Variants in DPY30 observed in about 807,000 individuals in gnomAD.
DPY30 encodes the protein protein dpy-30 homolog.
In DPY30, 6 loss-of-function variants were observed where a neutral mutation model predicts 16.2. The ratio of observed to expected loss-of-function variants is 0.37; its 90% confidence interval spans 0.20 to 0.73. The LOEUF (loss-of-function observed/expected upper bound fraction) is 0.73. Among genes scored for constraint, DPY30 ranks in the 30% least tolerant of loss-of-function variants. DPY30 has a pLI of 0.51. For synonymous variants in DPY30, 39 were observed against 38.8 expected (o/e 1.00, Z -0.02); for missense variants, 73 against 113.1 (o/e 0.65, Z 1.61).
At chr2:32,031,820 G>A (rs1445020135) in intron 3 of DPY30, among the ~76,000 whole-genome samples, 1 of 151,680 alleles carries the variant, frequency 6.6e-6, no homozygotes, top group Non-Finnish European at 1.5e-5. Flanking sequence ...TTGATTCCAG[G>A]AGGCAGAGGT....
rs1482205326 is a variant in DPY30 at position 32,039,431 on chromosome 2, C to T, written c.26G>A (p.Gly9Glu). ...ACGGCCTCCTGATACCTGCGTTTGT[C>T]CCTCCAGCATCTGCTCTGGCTCCAT... is the stretch of plus-strand genomic sequence containing the variant. MEPEQMLE[G>E]QTQVAENPHS... Residue 9 changes from glycine to glutamate, a missense_variant, in exon 2 of 5, where the codon GGA (glycine) becomes GAA (glutamate). Physicochemically the swap from Gly to Glu is moderately conservative, Grantham distance 98. This residue lies in a region of DPY30 where 52 missense variants were observed against 71.5 expected (regional missense o/e 0.73). Transcript: ENST00000342166. 1.9e-6 allele frequency: 3 copies of T among 1,614,176 alleles called. No individual in the cohort carries two copies. Among genetic ancestry groups the T allele is most frequent in the Non-Finnish European group, 1.7e-6 (2 of 1,180,044 alleles).
Position 32,039,299 on chromosome 2 carries a change from C to T in DPY30, c.64G>A (p.Gly22Ser). ...QVAENPHSEYGLTDNVERIVE... is the reference protein window; with the variant it reads ...QVAENPHSEYSLTDNVERIVE... ...GTTACCTCAACGTTGTCTGTGAGAC[C>T]GTACTCAGAGTGAGGATTTTCTGCA... Residue 22 changes from glycine (G) to serine (S), a missense_variant, in exon 3 of 5, where the codon GGT (glycine) becomes AGT (serine). Gly to Ser is a moderately conservative substitution (Grantham distance 56). Around this residue, in one of 3 missense-constraint regions of DPY30, gnomAD observed 52 missense variants for 71.5 expected, o/e 0.73. Coordinates refer to ENST00000342166, the MANE Select transcript of DPY30 (RefSeq NM_001321209.2). The T allele has an allele frequency of 1.2e-6, 2 of 1,614,116 alleles. No homozygotes were observed. The highest frequency in any genetic ancestry group is 1.1e-5 in the South Asian group (1 of 91,084).
downstream of DPY30, among the ~76,000 whole-genome samples, chr2:32,020,206 A>C (rs147499803): frequency 4.3e-4 from 63 of 146,750 alleles, no homozygotes; most frequent in Non-Finnish European, 6.9e-4. Flanking sequence ...ACTCCGTCTC[A>C]AAAACAAATA....
intron 4 of DPY30, among the ~76,000 whole-genome samples, chr2:32,026,512 C>A (rs981831716): frequency 6.6e-6 from 1 of 152,096 alleles, no homozygotes; most frequent in South Asian, 2.1e-4. Context: ...ATTTGGAGGC[C>A]GAGTGTAATG....
chr2:32,034,225 T>C (rs1425213829), intron 3 of DPY30, among the ~76,000 whole-genome samples: 1 of 152,192 alleles, frequency 6.6e-6, no homozygotes, highest in Non-Finnish European at 1.5e-5. Flanking sequence ...CATCTTGTGT[T>C]AGTCCATTTG....
intron 3 of DPY30, among the ~76,000 whole-genome samples, chr2:32,038,831 A>G (rs560859968): frequency 1.3e-5 from 2 of 152,050 alleles, no homozygotes; most frequent in African/African-American, 4.8e-5. Flanking sequence ...TATTTTTAGT[A>G]GAGACGGGGT....
downstream of DPY30, chr2:32,023,645 A>AG: frequency 9.8e-7 from 1 of 1,017,550 alleles, no homozygotes. Flanking sequence ...TGCTTTTATT[A>AG]GTACTCCAAC....
At chr2:32,036,888 A>G (rs1480732976) in intron 3 of DPY30, among the ~76,000 whole-genome samples, 1 of 152,004 alleles carries the variant, frequency 6.6e-6, no homozygotes, top group Non-Finnish European at 1.5e-5. Context: ...AAAAAAAACT[A>G]CACCAAGACA....
intron 4 of DPY30, among the ~76,000 whole-genome samples, chr2:32,029,067 T>C (rs189396885): frequency 8.1e-4 from 122 of 149,992 alleles, no homozygotes; most frequent in African/African-American, 2.9e-3. Flanking sequence ...AGGTTAGGAG[T>C]TCAAGACCAG....
At chr2:32,018,224 T>C (rs1675099907) in intron 5 of DPY30, among the ~76,000 whole-genome samples, 1 of 152,138 alleles carries the variant, frequency 6.6e-6, no homozygotes, top group African/African-American at 2.4e-5. Context: ...TAAAGACTGA[T>C]AAAACAAATC....
chr2:32,037,805 G>C (rs1037260747), intron 3 of DPY30, among the ~76,000 whole-genome samples: 1 of 151,656 alleles, frequency 6.6e-6, no homozygotes, highest in African/African-American at 2.4e-5. Context: ...TGCCCACCTC[G>C]GCCTCCCAAA....
intron 5 of DPY30, among the ~76,000 whole-genome samples, chr2:32,017,135 G>A (rs1197962844): frequency 5.9e-5 from 9 of 151,894 alleles, no homozygotes; most frequent in Non-Finnish European, 7.4e-5. Flanking sequence ...CACCCACCTC[G>A]GCTTCCCAAA....
At chr2:32,036,398 G>A (rs1401995309) in intron 3 of DPY30, among the ~76,000 whole-genome samples, 4 of 152,086 alleles carry the variant, frequency 2.6e-5, no homozygotes, top group African/African-American at 4.8e-5. Flanking sequence ...CTGGCTGGGC[G>A]CGGTGGCTCA....
downstream of DPY30, among the ~76,000 whole-genome samples, chr2:32,021,390 T>C (rs1675176989): frequency 6.7e-6 from 1 of 150,190 alleles, no homozygotes; most frequent in African/African-American, 2.5e-5. Flanking sequence ...TTAAAGATTT[T>C]TGTCAGGCCG....
At chr2:32,030,203 T>A (rs994414465) in intron 3 of DPY30, among the ~76,000 whole-genome samples, 1 of 152,178 alleles carries the variant, frequency 6.6e-6, no homozygotes, top group South Asian at 2.1e-4. Context: ...TTTATTACCA[T>A]TGTCTTGTAT....
chr2:32,030,523 G>A (rs771212422), intron 3 of DPY30, among the ~76,000 whole-genome samples: 1 of 151,832 alleles, frequency 6.6e-6, no homozygotes, highest in Non-Finnish European at 1.5e-5. Flanking sequence ...CCACTTACTC[G>A]GGAGGCTGAA....
chr2:32,037,442 A>C (rs1048429482), intron 3 of DPY30, among the ~76,000 whole-genome samples: 4 of 151,710 alleles, frequency 2.6e-5, no homozygotes, highest in African/African-American at 9.7e-5. Context: ...GTAGCTGGGG[A>C]CTGTAGGCAC....
chr2:32,027,753 C>T (rs1438202900), intron 4 of DPY30, among the ~76,000 whole-genome samples: 3 of 151,252 alleles, frequency 2.0e-5, no homozygotes, highest in East Asian at 2.0e-4. Context: ...CTCAGCCTCC[C>T]GAGTAGCTGG....
intron 3 of DPY30, 62 bp downstream of exon 3, chr2:32,039,216 TC>T (rs141121792): frequency 0.089 from 143,170 of 1,607,340 alleles, 7,187 homozygotes; most frequent in Non-Finnish European, 0.1. Flanking sequence ...TAAAAGCAGA[TC>T]CCAAGTTTTC....
Sources: allele counts gnomAD v4.1 joint callset (sites outside exome capture counted in the v4.1 genomes callset), GRCh38; gene constraint gnomAD v4.1.1; regional missense constraint gnomAD v4.1.1; transcripts MANE v1.5; gene names NCBI Gene and HGNC (gene_info 2026-07-23, HGNC 2026-07-21).